The following PCDHGA5 variants were observed in gnomAD, a reference collection of about 807,000 sequenced individuals.
The protein encoded by PCDHGA5 is protocadherin gamma subfamily A, 5, also known as protocadherin gamma-A5.
In PCDHGA5, 36 loss-of-function variants were observed where a neutral mutation model predicts 56.7. The ratio of observed to expected loss-of-function variants is 0.64; its 90% CI spans 0.49 to 0.84. The LOEUF (loss-of-function observed/expected upper bound fraction) is 0.84. Ranked by LOEUF, PCDHGA5 falls within the 40% of genes least tolerant of loss-of-function variation. The probability of loss-of-function intolerance (pLI) is 0.00; values close to 1 mark genes in which losing one functional copy is unlikely to be tolerated. For synonymous variants in PCDHGA5, 563 were observed against 520.2 expected (o/e 1.08, Z -1.12); for missense variants, 1,305 against 1,201.5 (o/e 1.09, Z -1.27).
chr5:141,422,472 G>A lies in PCDHGA5; in HGVS notation c.2421+55721G>A, dbSNP rs772474296. On this transcript the variant is annotated intron_variant, in intron 1 of 3. Transcript: ENST00000518069. ...CAAGCAGAGTGCTGGACAGGGAGTTGGTCCAGAGCTACAATATAACGTTGA... is the reference window on the plus strand; with the variant it reads ...CAAGCAGAGTGCTGGACAGGGAGTTAGTCCAGAGCTACAATATAACGTTGA... 75 of 1,613,562 alleles carry A rather than the reference G, an allele frequency of 4.6e-5. 3 individuals are homozygous for A. In the South Asian group the frequency reaches 8.1e-4, roughly 17 times the overall value.
Position 141,511,229 on chromosome 5 carries a change from T to G in PCDHGA5, c.*56T>G. 6.3e-7 allele frequency: 1 copy of G among 1,598,500 alleles called. No homozygotes were observed. Among genetic ancestry groups the G allele is most frequent in the Non-Finnish European group, 8.5e-7 (1 of 1,172,476 alleles). On this transcript the variant is annotated 3_prime_UTR_variant, in exon 4 of 4. Transcript: ENST00000518069. ...GCCTCTCCCCAACCAGCCCAGCTTC[T>G]CCTTACCTGCACCCAGGCCTCAGAG...
chr5:141,371,333 T>C, intron 1 of PCDHGA5: 2 of 1,613,850 alleles, frequency 1.2e-6, no homozygotes, highest in Non-Finnish European at 1.7e-6. Context: ...AAGAGAGAGA[T>C]AGCTACACAA....
At chr5:141,392,818 C>T (rs1306076998) in intron 1 of PCDHGA5, 1 of 1,589,068 alleles carries the variant, frequency 6.3e-7, no homozygotes, top group East Asian at 2.2e-5. Flanking sequence ...ACAACAATGG[C>T]CGCTCCACAG....
chr5:141,510,209 G>T (rs1294961681), intron 3 of PCDHGA5, among the ~76,000 whole-genome samples: 12 of 151,440 alleles, frequency 7.9e-5, no homozygotes, highest in African/African-American at 2.9e-4. Flanking sequence ...GGAGGCAGAG[G>T]TTGCAGTGAG....
chr5:141,423,462 C>G, intron 1 of PCDHGA5: 1 of 1,613,924 alleles, frequency 6.2e-7, no homozygotes, highest in Non-Finnish European at 8.5e-7. Flanking sequence ...TAGGCGTGGA[C>G]GGGGTACAGG....
Position 141,489,161 on chromosome 5 carries a change from A to T in PCDHGA5, c.2422-5646A>T. ...GCTGGAAGGAGACATAAGAGACTTC[A>T]GCTGCTGCATTCCAAGCCCTGGGTC... On this transcript the variant is annotated intron_variant, in intron 1 of 3. Coordinates refer to ENST00000518069, the MANE Select transcript of PCDHGA5 (RefSeq NM_018918.3). The surrounding 1 kb of genome is among the most constrained non-coding windows in gnomAD (Gnocchi z 4.5). 1.9e-6 allele frequency: 2 copies of T among 1,040,278 alleles called. No individual in the cohort carries two copies. The highest frequency in any genetic ancestry group is 2.8e-6 in the Non-Finnish European group (2 of 709,676). 64.4% of individuals were successfully genotyped at this position (1,040,278 alleles called of 1,614,324 possible).
intron 1 of PCDHGA5, 82 bp from the exon 2 acceptor site, chr5:141,494,725 C>G: frequency 6.2e-7 from 1 of 1,610,026 alleles, no homozygotes; most frequent in East Asian, 2.2e-5. Flanking sequence ...CCCTCCTTCT[C>G]TCCCGGCCCA....
intron 1 of PCDHGA5, chr5:141,414,202 G>A: frequency 6.2e-7 from 1 of 1,611,912 alleles, no homozygotes; most frequent in Non-Finnish European, 8.5e-7. Flanking sequence ...TACAGTAGAA[G>A]ATGTAAATGA....
intron 1 of PCDHGA5, among the ~76,000 whole-genome samples, chr5:141,448,040 C>T (rs892207188): frequency 6.6e-6 from 1 of 151,850 alleles, no homozygotes; most frequent in Admixed American, 6.6e-5. Context: ...GAGCCAAGAT[C>T]ATGCCATTGC....
Position 141,512,495 on chromosome 5 carries a change from C to T in PCDHGA5, c.*1322C>T, listed in dbSNP as rs2099884264. 1 of 152,920 alleles carries T rather than the reference C, an allele frequency of 6.5e-6. No homozygotes were observed. The highest frequency in any genetic ancestry group is 1.5e-5 in the Non-Finnish European group (1 of 68,240). The allele number at this position is 152,920 out of a possible 1,614,324, so 9.5% of individuals were successfully genotyped here. A position where few individuals can be genotyped will look rare whatever the true frequency, so the allele number is the denominator to read the frequency against. On this transcript the variant is annotated 3_prime_UTR_variant, in exon 4 of 4. Coordinates refer to ENST00000518069, the MANE Select transcript of PCDHGA5 (RefSeq NM_018918.3). ...TTCCGTGAAGGCCACTGCCCAGGTCCCCAGTGCGCCCCCTAGTGGCCATAG... is the reference window on the plus strand; with the variant it reads ...TTCCGTGAAGGCCACTGCCCAGGTCTCCAGTGCGCCCCCTAGTGGCCATAG...
rs6873304 is a variant in PCDHGA5, at chr5:141,369,666, G to A, written c.2421+2915G>A. ...GGGGGGAGATAATAAAGATAAAAGA[G>A]AAGAAAGTGAAACATAGAATAAAAC... On this transcript the variant is annotated intron_variant, in intron 1 of 3. Coordinates refer to ENST00000518069, the MANE Select transcript of PCDHGA5 (RefSeq NM_018918.3). 4.3e-3 allele frequency among the ~76,000 whole-genome samples: 662 copies of A among 152,228 alleles called. 7 individuals carry two copies. The highest frequency in any genetic ancestry group is 0.015 in the African/African-American group (637 of 41,556).
intron 1 of PCDHGA5, chr5:141,404,048 ATTC>A (rs1247713760): frequency 1.9e-6 from 3 of 1,613,866 alleles, no homozygotes; most frequent in South Asian, 1.1e-5. Flanking sequence ...GGGAACAGTA[ATTC>A]TTCTTTTCAA....
intron 3 of PCDHGA5, among the ~76,000 whole-genome samples, chr5:141,509,109 G>A (rs893509101): frequency 5.3e-5 from 8 of 152,240 alleles, no homozygotes; most frequent in African/African-American, 1.9e-4. Flanking sequence ...AAACCTGAGC[G>A]CTGGTGCGTG....
intron 1 of PCDHGA5, chr5:141,384,773 A>C (rs775593747): frequency 6.2e-6 from 10 of 1,613,726 alleles, no homozygotes; most frequent in Middle Eastern, 1.6e-4. Flanking sequence ...TACACGGGCG[A>C]GGTGCGCACG....
chr5:141,481,503 G>A (rs1006282101), intron 1 of PCDHGA5, among the ~76,000 whole-genome samples: 3 of 152,236 alleles, frequency 2.0e-5, no homozygotes, highest in African/African-American at 7.2e-5. Context: ...TGCATGGTAT[G>A]TGAATTATGT....
chr5:141,495,752 C>G (rs1310125902), intron 2 of PCDHGA5, among the ~76,000 whole-genome samples: 1 of 152,150 alleles, frequency 6.6e-6, no homozygotes, highest in Non-Finnish European at 1.5e-5. Flanking sequence ...TTCTCTATCT[C>G]TGCCTCCCTG....
rs2154555227 is a variant in PCDHGA5, at chr5:141,432,737, C to G, written c.2422-62070C>G. ...GCCCCCTCTCTCCGCCACTGTCACG[C>G]TCACCGTGGCCGTGGCCGACAGCAT... On this transcript the variant is annotated intron_variant, in intron 1 of 3. Coordinates refer to ENST00000518069, the MANE Select transcript of PCDHGA5 (RefSeq NM_018918.3). This position sits in a 1 kb window ranked among gnomAD's most constrained non-coding sequence, Gnocchi z 6.0. 6.2e-7 allele frequency: 1 copy of G among 1,614,110 alleles called. No homozygotes were observed. The highest frequency in any genetic ancestry group is 8.5e-7 in the Non-Finnish European group (1 of 1,180,002).
At chr5:141,394,071 A>G (rs953618981) in intron 1 of PCDHGA5, 1 of 1,613,908 alleles carries the variant, frequency 6.2e-7, no homozygotes, top group Non-Finnish European at 8.5e-7. Context: ...TATCTACAAT[A>G]TCACAGTGAT....
chr5:141,440,918 A>C (rs2154559108), intron 1 of PCDHGA5: 1 of 152,384 alleles, frequency 6.6e-6, no homozygotes, highest in Admixed American at 6.5e-5. Context: ...TCCTGTGCTG[A>C]GAGTGAGGGC....
Sources: gnomAD v4.1 joint callset for allele counts (sites outside exome capture counted in the v4.1 genomes callset) on GRCh38, gnomAD v4.1.1 for gene constraint, Gnocchi (gnomAD v3.1) non-coding constraint, MANE v1.5 for transcripts, NCBI Gene and HGNC (gene_info 2026-07-23, HGNC 2026-07-21) for gene names.